WRAP73: variants seen among roughly 807,000 people sequenced by gnomAD.
WRAP73 encodes WD repeat containing, antisense to TP73.
In WRAP73, 55 loss-of-function variants were observed where a neutral mutation model predicts 59.6. The observed-to-expected ratio is 0.92, with a 90% confidence interval of 0.74 to 1.15. WRAP73 has a LOEUF of 1.15. Ranked by LOEUF, WRAP73 falls within the 50% of genes most tolerant of loss-of-function variation. The pLI is 0.00. For synonymous variants in WRAP73, 265 were observed against 258.2 expected (o/e 1.03, Z -0.25); for missense variants, 592 against 608.1 (o/e 0.97, Z 0.28).
At position 3,646,696 on chromosome 1, in the gene WRAP73, C is replaced by T. The variant is rs747909442; in HGVS notation, c.309G>A (p.Gly103=). The change falls in exon 3 of 12, where the codon GGG becomes GGA. Residue 103 remains glycine, a synonymous_variant. Transcript: ENST00000270708. This position sits in a 1 kb window ranked among gnomAD's most constrained non-coding sequence, Gnocchi z 5.1. ...GLVASCWSPD[G]RHILNTTEFH... ...ATTCCGTGGTGTTGAGAATGTGGCG[C>T]CCGTCCGGGCTCCAGCACGAGGCCA... is the stretch of plus-strand genomic sequence containing the variant. 2 of 1,605,546 alleles carry T rather than the reference C, an allele frequency of 1.2e-6. No homozygotes were observed. The highest frequency in any genetic ancestry group is 1.7e-6 in the Non-Finnish European group (2 of 1,173,916).
intron 3 of WRAP73, 121 bp from the exon 4 acceptor site, chr1:3,638,943 A>AG: frequency 9.7e-7 from 1 of 1,028,078 alleles, no homozygotes; most frequent in Non-Finnish European, 1.5e-6. Flanking sequence ...TGGATCTATC[A>AG]GGACCTGGGG....
In WRAP73 at chr1:3,632,020, G is replaced by A. The variant is rs942996054; in HGVS notation, c.1048+193C>T. On this transcript the variant is annotated intron_variant, in intron 10 of 11. Transcript: ENST00000270708. ...GTGGAGGCCTCCTGACTCATGCGCG[G>A]ACCTGCGGCTGCTGCAGGACAAAGG... 7 of 1,473,060 alleles carry A rather than the reference G, an allele frequency of 4.8e-6. No homozygotes were observed. In the African/African-American group the frequency reaches 9.9e-5, roughly 21 times the overall value. 91.2% of individuals were successfully genotyped at this position (1,473,060 alleles called of 1,614,324 possible).
At chr1:3,632,060 G>C (rs946876538) in intron 10 of WRAP73, 153 bp downstream of exon 10, 1 of 1,495,380 alleles carries the variant, frequency 6.7e-7, no homozygotes. Context: ...GCGCCTCCAA[G>C]GAGCTTCTGT....
Position 3,631,280 on chromosome 1 carries a change from C to G in WRAP73, c.1241-163G>C. ...GCCTCAAGTCAGGGAGAGGCTGCTT[C>G]TAGCCCATAAAGCTGAGGGCAGCGG... On this transcript the variant is annotated intron_variant, in intron 11 of 11. Coordinates refer to ENST00000270708, the MANE Select transcript of WRAP73 (RefSeq NM_017818.4). 3 of 1,351,580 alleles carry G rather than the reference C, an allele frequency of 2.2e-6. No individual in the cohort carries two copies. The South Asian group carries it at 4.2e-5, about 19-fold the overall frequency. The allele number at this position is 1,351,580 out of a possible 1,614,324, so 83.7% of individuals were successfully genotyped here. A position where few individuals can be genotyped will look rare whatever the true frequency, so the allele number is the denominator to read the frequency against.
chr1:3,632,937 G>A (rs12754811), intron 9 of WRAP73: 4 of 222,432 alleles, frequency 1.8e-5, no homozygotes, highest in Non-Finnish European at 2.7e-5. Flanking sequence ...ATGCCCCTGT[G>A]GGATGGGTGC....
intron 3 of WRAP73, among the ~76,000 whole-genome samples, chr1:3,640,363 G>A (rs1053353975): frequency 5.9e-5 from 9 of 152,160 alleles, no homozygotes; most frequent in African/African-American, 2.2e-4. Flanking sequence ...ACTCAGCAGG[G>A]TGGGTGCAGC....
Position 3,632,202 on chromosome 1 carries a change from G to C in WRAP73, c.1048+11C>G. ...AAAGGGTGAGACAGCACCTGCGTCAGCACAACTGACCGTTCCTTGTCGCCA... is the reference window on the plus strand; with the variant it reads ...AAAGGGTGAGACAGCACCTGCGTCACCACAACTGACCGTTCCTTGTCGCCA... On this transcript the variant is annotated intron_variant, in intron 10 of 11. Transcript: ENST00000270708. 6.2e-7 allele frequency: 1 copy of C among 1,610,018 alleles called. No individual in the cohort carries two copies. The highest frequency in any genetic ancestry group is 8.5e-7 in the Non-Finnish European group (1 of 1,177,582).
At chr1:3,648,810 TGAG>T (rs544699876) in intron 1 of WRAP73, among the ~76,000 whole-genome samples, 101 of 152,314 alleles carry the variant, frequency 6.6e-4, no homozygotes, top group Middle Eastern at 3.4e-3. Context: ...CTCATTTAAT[TGAG>T]GAGGGGGGCA....
At chr1:3,645,148 A>G (rs1644677037) in intron 3 of WRAP73, among the ~76,000 whole-genome samples, 1 of 152,280 alleles carries the variant, frequency 6.6e-6, no homozygotes, top group Non-Finnish European at 1.5e-5. Flanking sequence ...AAAGCCATCC[A>G]GCCATCTGAA....
Position 3,635,240 on chromosome 1 carries a change from A to G in WRAP73, c.658T>C (p.Tyr220His), listed in dbSNP as rs747880722. The change falls in exon 7 of 12, where the codon TAC (tyrosine) becomes CAC (histidine). Residue 220 changes from tyrosine to histidine, a missense_variant. By Grantham distance (83) the Tyr-to-His change is moderately conservative (BLOSUM62 2). Transcript: ENST00000270708. ...DGRLLSTYSA[Y>H]EWSLGIKSVA... Reference sequence around the variant, plus strand: ...GACTTGATGCCCAGGGACCACTCGTAAGCGCTGTACGTGGACAACAACCGG... The same window carrying G: ...GACTTGATGCCCAGGGACCACTCGTGAGCGCTGTACGTGGACAACAACCGG... 6.2e-7 allele frequency: 1 copy of G among 1,614,038 alleles called. No individual in the cohort carries two copies.
intron 4 of WRAP73, among the ~76,000 whole-genome samples, chr1:3,637,722 T>C (rs551268320): frequency 6.6e-6 from 1 of 152,118 alleles, no homozygotes; most frequent in Non-Finnish European, 1.5e-5. Context: ...TAGTCCCAGC[T>C]ACTCAGGAGG....
Position 3,639,293 on chromosome 1 carries a change from A to C in WRAP73, c.340-471T>G. On this transcript the variant is annotated intron_variant, in intron 3 of 11. Coordinates refer to ENST00000270708, the MANE Select transcript of WRAP73 (RefSeq NM_017818.4). This position sits in a 1 kb window ranked among gnomAD's most constrained non-coding sequence, Gnocchi z 4.3. ...CCTGAGGCAGGAGCAGCCACTCAAC[A>C]CCCAAGAAGGTGTCCGTCTGCCTCC... 5.6e-6 allele frequency: 1 copy of C among 177,392 alleles called. No homozygotes were observed. 11.0% of individuals were successfully genotyped at this position (177,392 alleles called of 1,614,324 possible).
intron 4 of WRAP73, 131 bp downstream of exon 4, chr1:3,638,619 A>C: frequency 1.1e-6 from 1 of 926,238 alleles, no homozygotes; most frequent in Non-Finnish European, 1.7e-6. Context: ...GGTCTCCTTT[A>C]AAAGAGCCCA....
intron 2 of WRAP73, 135 bp downstream of exon 2, chr1:3,647,273 G>A (rs1207668265): frequency 5.3e-6 from 5 of 936,976 alleles, no homozygotes; most frequent in Admixed American, 6.9e-5. Context: ...TTTAGAGAAC[G>A]TTATAATTTC....
intron 10 of WRAP73, 84 bp from the exon 11 acceptor site, chr1:3,631,741 C>A: frequency 1.3e-6 from 2 of 1,510,180 alleles, no homozygotes; most frequent in Non-Finnish European, 1.8e-6. Context: ...GCTGTTGACA[C>A]CACAGGAGGG....
intron 6 of WRAP73, 96 bp from the exon 7 acceptor site, chr1:3,635,390 G>C: frequency 6.5e-7 from 1 of 1,535,750 alleles, no homozygotes; most frequent in Non-Finnish European, 8.9e-7. Flanking sequence ...GGTGCAGATA[G>C]CACAAAGCTG....
chr1:3,644,431 G>A lies in WRAP73; in HGVS notation c.339+2235C>T, dbSNP rs183740338. ...CTTCAGAAGGGGACCTAGTGGCCCC[G>A]CTAATCCTCGAACGGGTCTGGTCCT... On this transcript the variant is annotated intron_variant, in intron 3 of 11. Coordinates refer to ENST00000270708, the MANE Select transcript of WRAP73 (RefSeq NM_017818.4). Among the ~76,000 whole-genome samples the A allele has an allele frequency of 2.0e-5, 3 of 152,038 alleles. No individual in the cohort carries two copies. In the East Asian group the frequency reaches 5.8e-4, roughly 29 times the overall value.
intron 3 of WRAP73, among the ~76,000 whole-genome samples, chr1:3,642,925 A>G (rs951965981): frequency 6.6e-6 from 1 of 151,996 alleles, no homozygotes; most frequent in African/African-American, 2.4e-5. Flanking sequence ...TCCAAACTGC[A>G]GTATCATTTA....
At chr1:3,635,103 G>A (rs1644577205) in intron 7 of WRAP73, 29 bp from the exon 8 acceptor site, 3 of 1,614,062 alleles carry the variant, frequency 1.9e-6, no homozygotes, top group Non-Finnish European at 2.5e-6. Context: ...CACAGGTGAG[G>A]CAGGGCCCGG....
Sources: allele counts gnomAD v4.1 joint callset (sites outside exome capture counted in the v4.1 genomes callset), GRCh38; gene constraint gnomAD v4.1.1; non-coding constraint Gnocchi (gnomAD v3.1); transcripts MANE v1.5; gene names NCBI Gene and HGNC (gene_info 2026-07-23, HGNC 2026-07-21).